Variants in HECW1 observed in about 807,000 individuals in gnomAD.
The protein encoded by HECW1 is E3 ubiquitin-protein ligase HECW1.
HECW1 carries 61 observed loss-of-function variants against 182.3 expected under a neutral mutation model. The ratio of observed to expected loss-of-function variants is 0.33; its 90% CI spans 0.27 to 0.41. The LOEUF is 0.41. HECW1 is among the 10% of genes least tolerant of loss of function. HECW1 has a pLI of 1.00. For missense variants in HECW1, 1,739 were observed against 2,108.9 expected, an observed-to-expected ratio of 0.82 and a Z score of 3.44; for synonymous variants, 859 against 832.6, an observed-to-expected ratio of 1.03 and a Z score of -0.55.
At chr7:43,297,488 G>A (rs1806188814) in intron 3 of HECW1, among the ~76,000 whole-genome samples, 1 of 152,212 alleles carries the variant, frequency 6.6e-6, no homozygotes, top group Non-Finnish European at 1.5e-5. Flanking sequence ...AGTACTCAGA[G>A]TGGTAGCCAA....
intron 3 of HECW1, among the ~76,000 whole-genome samples, chr7:43,247,940 AG>A (rs1799581820): frequency 1.4e-5 from 2 of 143,694 alleles, no homozygotes; most frequent in Admixed American, 6.8e-5. Context: ...AAAAAGAGAG[AG>A]AAAAAAGGAG....
intron 13 of HECW1, among the ~76,000 whole-genome samples, chr7:43,460,537 CGTGCGTGTGT>C (rs1156463598): frequency 1.3e-5 from 2 of 151,454 alleles, no homozygotes; most frequent in African/African-American, 2.4e-5. Context: ...TGTGTGCGCG[CGTGCGTGTGT>C]GTGCGTGTGT....
chr7:43,353,508 G>T (rs1814714541), intron 5 of HECW1, among the ~76,000 whole-genome samples: 1 of 152,038 alleles, frequency 6.6e-6, no homozygotes, highest in Admixed American at 6.6e-5. Context: ...ATGGCACCAA[G>T]ATGATCACCA....
chr7:43,309,205 C>T (rs1808181812), intron 3 of HECW1, among the ~76,000 whole-genome samples: 1 of 152,148 alleles, frequency 6.6e-6, no homozygotes, highest in Non-Finnish European at 1.5e-5. Flanking sequence ...GGAGCGGTTA[C>T]AGCAGAGTTG....
intron 2 of HECW1, among the ~76,000 whole-genome samples, chr7:43,210,435 G>T (rs993160996): frequency 7.0e-6 from 1 of 142,882 alleles, no homozygotes; most frequent in Admixed American, 7.1e-5. Flanking sequence ...ACTCAAGAAG[G>T]ATCAAGTAGA....
chr7:43,562,072 G>C lies in HECW1; in HGVS notation c.*146G>C. On this transcript the variant is annotated 3_prime_UTR_variant, in exon 30 of 30. Transcript: ENST00000395891. ...TCAAACCAAATCAGGATTGACAAAA[G>C]CTGTGCATGAAGAACTGCCTTCTTC... is the stretch of plus-strand genomic sequence containing the variant. 1.6e-6 allele frequency: 1 copy of C among 611,140 alleles called. No homozygotes were observed. The highest frequency in any genetic ancestry group is 3.0e-6 in the Non-Finnish European group (1 of 337,082). The allele number at this position is 611,140 out of a possible 1,614,324, so 37.9% of individuals were successfully genotyped here.
intron 2 of HECW1, among the ~76,000 whole-genome samples, chr7:43,166,470 C>T (rs1303964297): frequency 2.0e-5 from 3 of 152,138 alleles, no homozygotes; most frequent in African/African-American, 7.2e-5. Context: ...AGAAGCAGCA[C>T]CCAGGCCAGC....
At position 43,311,967 on chromosome 7, in the gene HECW1, C is replaced by T; in HGVS notation, c.232C>T (p.Arg78Cys). The T allele has an allele frequency of 1.9e-6, 3 of 1,614,216 alleles. No homozygotes were observed. Among genetic ancestry groups the T allele is most frequent in the Non-Finnish European group, 2.5e-6 (3 of 1,180,044 alleles). Reference protein sequence around the residue: ...SDTDLVTSDSRSTLMVSSSYY... With the variant: ...SDTDLVTSDSCSTLMVSSSYY... ...CACTGACCTGGTCACCTCGGACAGC[C>T]GCTCCACGCTCATGGTCAGCAGCTC... The change falls in exon 4 of 30, where the codon CGC becomes TGC. Residue 78 changes from arginine (R) to cysteine (C), a missense_variant. Around this residue, in one of 5 missense-constraint regions of HECW1, gnomAD observed 279 missense variants for 353.1 expected, o/e 0.79. Coordinates refer to ENST00000395891, the MANE Select transcript of HECW1 (RefSeq NM_015052.5).
At chr7:43,228,786 C>T (rs73690274) in intron 2 of HECW1, among the ~76,000 whole-genome samples, 4,489 of 152,186 alleles carry the variant, frequency 0.029, 207 homozygotes, top group African/African-American at 0.09. Context: ...TGGTAGTATG[C>T]TTATAAAAGG....
intron 5 of HECW1, among the ~76,000 whole-genome samples, chr7:43,325,346 C>T (rs1484585094): frequency 2.0e-5 from 3 of 152,164 alleles, no homozygotes; most frequent in African/African-American, 7.2e-5. Context: ...GCTCCGCTGG[C>T]CCATTCAGAC....
chr7:43,293,930 C>T (rs187813217), intron 3 of HECW1, among the ~76,000 whole-genome samples: 126 of 152,162 alleles, frequency 8.3e-4, no homozygotes, highest in Non-Finnish European at 1.4e-3. Context: ...AGCATGAACC[C>T]TATTGTGAAC....
At chr7:43,169,991 G>A (rs981619365) in intron 2 of HECW1, among the ~76,000 whole-genome samples, 10 of 152,148 alleles carry the variant, frequency 6.6e-5, no homozygotes, top group African/African-American at 9.7e-5. Context: ...TATCAGAACC[G>A]CTGGACAGAT....
intron 2 of HECW1, among the ~76,000 whole-genome samples, chr7:43,134,456 AC>A (rs1408378901): frequency 6.6e-6 from 1 of 150,978 alleles, no homozygotes; most frequent in Non-Finnish European, 1.5e-5. Flanking sequence ...TGAACTTCCC[AC>A]CTATAGATTT....
Position 43,445,520 on chromosome 7 carries a change from G to T in HECW1, c.2348G>T (p.Ser783Ile), listed in dbSNP as rs1311455736. The change falls in exon 11 of 30, where the codon AGC becomes ATC. Residue 783 changes from serine to isoleucine, a missense_variant. Physicochemically the swap from Ser to Ile is moderately radical, Grantham distance 142. Transcript: ENST00000395891. ...LAAPSGHVER[S>I]PEGLESPVAG... is the part of the protein sequence containing the mutation. ...GCCCCTAGCGGGCACGTGGAAAGAA[G>T]CCCGGAAGGTCTGGAATCCCCCGTG... is the stretch of plus-strand genomic sequence containing the variant. The T allele has an allele frequency of 1.2e-6, 2 of 1,609,920 alleles. No homozygotes were observed. The highest frequency in any genetic ancestry group is 1.7e-6 in the Non-Finnish European group (2 of 1,177,766).
chr7:43,159,093 A>C (rs1204738443), intron 2 of HECW1, among the ~76,000 whole-genome samples: 1 of 150,942 alleles, frequency 6.6e-6, no homozygotes, highest in Non-Finnish European at 1.5e-5. Context: ...ACGCCATTGC[A>C]TGAATCTGAC....
chr7:43,378,033 A>G lies in HECW1; in HGVS notation c.555+17053A>G, dbSNP rs1394571139. On this transcript the variant is annotated intron_variant, in intron 6 of 29. Transcript: ENST00000395891. ...TACATTTACACATAGTCACTAATAA[A>G]TAGTTGTGTTTTAAAGAGTTGAGTT... is the stretch of plus-strand genomic sequence containing the variant. 4.5e-5 allele frequency: 8 copies of G among 176,220 alleles called. No homozygotes were observed. In the East Asian group the frequency reaches 7.8e-4, roughly 17 times the overall value. 10.9% of individuals were successfully genotyped at this position (176,220 alleles called of 1,614,324 possible).
chr7:43,256,637 G>T lies in HECW1; in HGVS notation c.27+12705G>T, dbSNP rs1046054966. Among the ~76,000 whole-genome samples the T allele has an allele frequency of 2.0e-5, 3 of 148,660 alleles. No individual in the cohort carries two copies. In the South Asian group the frequency reaches 6.4e-4, roughly 32 times the overall value. On this transcript the variant is annotated intron_variant, in intron 3 of 29. Coordinates refer to ENST00000395891, the MANE Select transcript of HECW1 (RefSeq NM_015052.5). ...AAAAAAAAAAAAAAAGAAAAGAAAA[G>T]ATGAACATCAAAGTAATTTCTGATT...
At chr7:43,499,591 A>G (rs989289110) in intron 19 of HECW1, among the ~76,000 whole-genome samples, 3 of 152,144 alleles carry the variant, frequency 2.0e-5, no homozygotes, top group African/African-American at 7.2e-5. Context: ...ATAATTACAC[A>G]TGACTCTAAA....
intron 2 of HECW1, among the ~76,000 whole-genome samples, chr7:43,184,203 CT>C (rs1793149115): frequency 6.6e-6 from 1 of 152,014 alleles, no homozygotes; most frequent in South Asian, 2.1e-4. Context: ...TTAGTAGAGA[CT>C]GGGTTTCACT....
Sources: gnomAD v4.1 joint callset for allele counts (sites outside exome capture counted in the v4.1 genomes callset) on GRCh38, gnomAD v4.1.1 for gene constraint, gnomAD v4.1.1 regional missense constraint, MANE v1.5 for transcripts, NCBI Gene and HGNC (gene_info 2026-07-23, HGNC 2026-07-21) for gene names.